STARD5: variants seen among roughly 807,000 people sequenced by gnomAD.
The protein encoded by STARD5 is stAR-related lipid transfer protein 5.
Under a neutral mutation model 24.6 loss-of-function variants are expected in STARD5, and 26 were observed. That is an observed-to-expected ratio of 1.06 (90% confidence interval 0.77 to 1.47). The LOEUF (loss-of-function observed/expected upper bound fraction) is 1.47, where lower values mean the gene tolerates loss of function less well. Among genes scored for constraint, STARD5 ranks in the 40% most tolerant of loss-of-function variants. STARD5 has a pLI of 0.00. For missense variants in STARD5, 254 were observed against 270.8 expected, an observed-to-expected ratio of 0.94 and a Z score of 0.44; for synonymous variants, 101 against 99.7, an observed-to-expected ratio of 1.01 and a Z score of -0.07.
In STARD5 at chr15:81,309,395, T is replaced by C. The variant is rs899198362; in HGVS notation, c.*3861A>G. Reference sequence around the variant, plus strand: ...TTGTGGCCTGGGCCTCCTCACAACATGGTGTCTGGATTCCCAGGATGAGCA... The same window carrying C: ...TTGTGGCCTGGGCCTCCTCACAACACGGTGTCTGGATTCCCAGGATGAGCA... On this transcript the variant is annotated 3_prime_UTR_variant, in exon 6 of 6. Coordinates refer to ENST00000302824, the MANE Select transcript of STARD5 (RefSeq NM_181900.3). 6.6e-6 allele frequency: 1 copy of C among 152,464 alleles called. No homozygotes were observed. Among genetic ancestry groups the C allele is most frequent in the Admixed American group, 6.5e-5 (1 of 15,284 alleles). The allele number at this position is 152,464 out of a possible 1,614,324, so 9.4% of individuals were successfully genotyped here. A position where few individuals can be genotyped will look rare whatever the true frequency, so the allele number is the denominator to read the frequency against.
Position 81,322,482 on chromosome 15 carries a change from G to C in STARD5, c.208C>G (p.Pro70Ala). The C allele has an allele frequency of 6.2e-7, 1 of 1,614,184 alleles. No individual in the cohort carries two copies. ...TLEEVWDCVKPAVGGLRVKWD... is the reference protein window; with the variant it reads ...TLEEVWDCVKAAVGGLRVKWD... ...TTCACTCGTAGGCCTCCAACAGCTGGCTTCACACAGTCCCACACCTCCTCT... is the reference window on the plus strand; with the variant it reads ...TTCACTCGTAGGCCTCCAACAGCTGCCTTCACACAGTCCCACACCTCCTCT... Residue 70 changes from proline to alanine, a missense_variant, in exon 3 of 6, where the codon CCA becomes GCA. Physicochemically the swap from Pro to Ala is conservative, Grantham distance 27. Coordinates refer to ENST00000302824, the MANE Select transcript of STARD5 (RefSeq NM_181900.3).
intron 3 of STARD5, among the ~76,000 whole-genome samples, chr15:81,320,164 G>A (rs1030441107): frequency 6.6e-6 from 1 of 152,122 alleles, no homozygotes; most frequent in African/African-American, 2.4e-5. Context: ...AGAAGTACAG[G>A]CCAGGCCTGT....
At chr15:81,323,003 T>C in intron 1 of STARD5, 55 bp from the exon 2 acceptor site, 5 of 1,599,936 alleles carry the variant, frequency 3.1e-6, no homozygotes, top group Admixed American at 1.7e-5. Flanking sequence ...TCTGGTCACC[T>C]GGCTTAATCC....
At chr15:81,315,504 T>C (rs1471721125) in intron 5 of STARD5, among the ~76,000 whole-genome samples, 1 of 152,110 alleles carries the variant, frequency 6.6e-6, no homozygotes, top group Admixed American at 6.6e-5. Context: ...CCACTACGGT[T>C]GCTAGAAGGA....
At chr15:81,322,263 A>ATG (rs1893304002) in intron 3 of STARD5, 145 bp downstream of exon 3, 2 of 1,090,796 alleles carry the variant, frequency 1.8e-6, no homozygotes, top group African/African-American at 3.1e-5. Context: ...CAGGCCTCCA[A>ATG]TGCTGCAAGC....
At chr15:81,313,515 C>T (rs1250771599) in intron 5 of STARD5, 112 bp from the exon 6 acceptor site, 13 of 1,056,146 alleles carry the variant, frequency 1.2e-5, no homozygotes, top group African/African-American at 6.6e-5. Context: ...ATACAGTGAT[C>T]GCGTCTCATC....
chr15:81,315,434 G>C (rs561120309), intron 5 of STARD5, among the ~76,000 whole-genome samples: 1 of 152,172 alleles, frequency 6.6e-6, no homozygotes, highest in African/African-American at 2.4e-5. Flanking sequence ...GGGCAAAAGG[G>C]GGCACAGAGG....
intron 3 of STARD5, among the ~76,000 whole-genome samples, chr15:81,321,284 A>G (rs953707110): frequency 6.6e-6 from 1 of 152,158 alleles, no homozygotes; most frequent in African/African-American, 2.4e-5. Context: ...ATTTTAATGA[A>G]TTACACTCGT....
chr15:81,320,272 C>T (rs930242856), intron 3 of STARD5, among the ~76,000 whole-genome samples: 2 of 152,194 alleles, frequency 1.3e-5, no homozygotes, highest in African/African-American at 4.8e-5. Flanking sequence ...AGACTTGGGG[C>T]ATCGTGTGTT....
chr15:81,322,885 A>G lies in STARD5; in HGVS notation c.149+14T>C, dbSNP rs755610180. 6.8e-6 allele frequency: 11 copies of G among 1,614,060 alleles called. No homozygotes were observed. Among genetic ancestry groups the G allele is most frequent in the Non-Finnish European group, 8.5e-6 (10 of 1,180,014 alleles). ...CGGCACCTCTGGTAATCTTTGAACG[A>G]GGCATGCACTTACAGGTTCCCTGGA... On this transcript the variant is annotated intron_variant, in intron 2 of 5. Transcript: ENST00000302824.
Position 81,309,239 on chromosome 15 carries a change from T to C in STARD5, c.*4017A>G, listed in dbSNP as rs572353099. On this transcript the variant is annotated 3_prime_UTR_variant, in exon 6 of 6. Coordinates refer to ENST00000302824, the MANE Select transcript of STARD5 (RefSeq NM_181900.3). ...CAGCTCATCTCTGTCCCACTTGGCA[T>C]CAGCTGGCGTCATGCAAAGTCATGC... 20 of 158,346 alleles carry C rather than the reference T, an allele frequency of 1.3e-4. 1 individual carries two copies. In the East Asian group the frequency reaches 3.8e-3, roughly 30 times the overall value. The allele number at this position is 158,346 out of a possible 1,614,324, so 9.8% of individuals were successfully genotyped here.
intron 1 of STARD5, chr15:81,323,623 TA>T: frequency 2.2e-6 from 3 of 1,359,344 alleles, no homozygotes; most frequent in Non-Finnish European, 3.1e-6. Flanking sequence ...AAACAACATG[TA>T]AAAACCTCCT....
chr15:81,324,121 C>T lies in STARD5; in HGVS notation c.-22G>A, dbSNP rs1489657599. 7.5e-6 allele frequency: 10 copies of T among 1,339,694 alleles called. No homozygotes were observed. The highest frequency in any genetic ancestry group is 9.7e-6 in the Non-Finnish European group (10 of 1,035,910). 83.0% of individuals were successfully genotyped at this position (1,339,694 alleles called of 1,614,324 possible). On this transcript the variant is annotated 5_prime_UTR_variant, in exon 1 of 6. Transcript: ENST00000302824. ...CCATTGCGTCGGGAGCTGCGCTTAG[C>T]TGCGGGGTCGCGGGTGTTATGAGCG...
At chr15:81,323,575 A>G (rs554378080) in intron 1 of STARD5, 2 of 1,322,978 alleles carry the variant, frequency 1.5e-6, no homozygotes, top group Admixed American at 3.5e-5. Flanking sequence ...AGAAAACCTT[A>G]GTATGCATCA....
intron 5 of STARD5, among the ~76,000 whole-genome samples, chr15:81,315,849 A>G (rs1156449167): frequency 6.6e-6 from 1 of 152,198 alleles, no homozygotes; most frequent in Non-Finnish European, 1.5e-5. Flanking sequence ...TTGAGATGGA[A>G]GGAAGTCCCT....
Position 81,324,140 on chromosome 15 carries a change from A to T in STARD5, c.-41T>A. Reference sequence around the variant, plus strand: ...GCTTAGCTGCGGGGTCGCGGGTGTTATGAGCGGCGGCGCTGGATCCCGGGT... The same window carrying T: ...GCTTAGCTGCGGGGTCGCGGGTGTTTTGAGCGGCGGCGCTGGATCCCGGGT... On this transcript the variant is annotated 5_prime_UTR_variant, in exon 1 of 6. Transcript: ENST00000302824. 3.1e-6 allele frequency: 4 copies of T among 1,292,728 alleles called. No individual in the cohort carries two copies. The highest frequency in any genetic ancestry group is 4.0e-6 in the Non-Finnish European group (4 of 1,012,268). 80.1% of individuals were successfully genotyped at this position (1,292,728 alleles called of 1,614,324 possible).
rs190915285 is a variant in STARD5, at chr15:81,310,834, G to C, written c.*2422C>G. The C allele has an allele frequency of 1.3e-5, 2 of 152,378 alleles. No homozygotes were observed. Among genetic ancestry groups the C allele is most frequent in the East Asian group, 3.9e-4 (2 of 5,180 alleles). The allele number at this position is 152,378 out of a possible 1,614,324, so 9.4% of individuals were successfully genotyped here. On this transcript the variant is annotated 3_prime_UTR_variant, in exon 6 of 6. Transcript: ENST00000302824. ...GGCCTGGGGTACCAAGAGACTCCTT[G>C]AGAGACCAGGCAAAGCAAGTGATTG... is the stretch of plus-strand genomic sequence containing the variant.
At chr15:81,317,929 C>T (rs1205616847) in intron 5 of STARD5, among the ~76,000 whole-genome samples, 2 of 152,130 alleles carry the variant, frequency 1.3e-5, no homozygotes, top group Non-Finnish European at 2.9e-5. Context: ...GCCTGAGTTC[C>T]GCCACATTCC....
rs548711236 is a variant in STARD5, at chr15:81,322,724, C to T, written c.149+175G>A. 94 of 1,290,516 alleles carry T rather than the reference C, an allele frequency of 7.3e-5. No homozygotes were observed. The African/African-American group carries it at 1.3e-3, about 18-fold the overall frequency. 79.9% of individuals were successfully genotyped at this position (1,290,516 alleles called of 1,614,324 possible). A position where few individuals can be genotyped will look rare whatever the true frequency, so the allele number is the denominator to read the frequency against. On this transcript the variant is annotated intron_variant, in intron 2 of 5. Transcript: ENST00000302824. ...CAGGCCTGCAGAAATGGACAGTAAG[C>T]TTTCACAAGAATACAGTTTGCTGGA...
Sources: allele counts gnomAD v4.1 joint callset (sites outside exome capture counted in the v4.1 genomes callset), GRCh38; gene constraint gnomAD v4.1.1; transcripts MANE v1.5; gene names NCBI Gene and HGNC (gene_info 2026-07-23, HGNC 2026-07-21).